The following DST variants were observed in gnomAD, a reference collection of about 807,000 sequenced individuals.
DST encodes the protein bullous pemphigoid antigen.
DST carries 253 observed loss-of-function variants against 875.2 expected under a neutral mutation model. The ratio of observed to expected loss-of-function variants is 0.29; its 90% CI spans 0.26 to 0.32. The LOEUF (loss-of-function observed/expected upper bound fraction) is 0.32. Ranked by LOEUF, DST falls within the 10% of genes least tolerant of loss-of-function variation. DST has a pLI of 1.00. For missense variants in DST, 8,287 were observed against 9,111.6 expected (o/e 0.91, Z 3.68); for synonymous variants, 3,124 against 3,197.1 (o/e 0.98, Z 0.77).
At position 56,641,997 on chromosome 6, in the gene DST, T is replaced by C. The variant is rs761058089; in HGVS notation, c.1977A>G (p.Val659=). 3.7e-6 allele frequency: 6 copies of C among 1,613,518 alleles called. No homozygotes were observed. The Admixed American group carries it at 8.3e-5, about 22-fold the overall frequency. The change falls in exon 17 of 104, where the codon GTA becomes GTG. Residue 659 remains valine (V), a synonymous_variant. Transcript: ENST00000680361. ...ENLLRQHVID[V]QILIDGKYYQ... ...AGTATTTTCCATCAATAAGAATCTGTACATCAATTACATGCTGGCGTAAAA... is the reference window on the plus strand; with the variant it reads ...AGTATTTTCCATCAATAAGAATCTGCACATCAATTACATGCTGGCGTAAAA...
At chr6:56,500,806 T>C (rs2096093218) in intron 80 of DST, among the ~76,000 whole-genome samples, 1 of 152,196 alleles carries the variant, frequency 6.6e-6, no homozygotes, top group Admixed American at 6.6e-5. Flanking sequence ...GTGTTTGCCA[T>C]GCAGCTCTAA....
At position 56,610,507 on chromosome 6, in the gene DST, T is replaced by C. The variant is rs369218541; in HGVS notation, c.5203A>G (p.Ser1735Gly). The C allele has an allele frequency of 3.2e-5, 50 of 1,566,874 alleles. No homozygotes were observed. In the African/African-American group the frequency reaches 6.2e-4, roughly 20 times the overall value. ...LEKQVKTLQE[S>G]YNLLFSESLK... ...GATTCACTGAATAATAAATTATAAC[T>C]TTCCTGAAGAGTTTTCACTTGTTTT... The change falls in exon 39 of 104, where the codon AGT becomes GGT. Residue 1735 changes from serine to glycine, a missense_variant. Around this residue, in one of 10 missense-constraint regions of DST, gnomAD observed 3,138 missense variants for 3,116.6 expected, o/e 1.01. Coordinates refer to ENST00000680361, the MANE Select transcript of DST (RefSeq NM_001374736.1).
At chr6:56,502,282 A>G (rs56410654) in intron 78 of DST, among the ~76,000 whole-genome samples, 141 of 152,280 alleles carry the variant, frequency 9.3e-4, no homozygotes, top group Middle Eastern at 3.4e-3. Flanking sequence ...ACAGGTTAGC[A>G]AACAGTTGCT....
At position 56,632,996 on chromosome 6, in the gene DST, A is replaced by C; in HGVS notation, c.3663T>G (p.Ser1221Arg). 1 of 1,614,038 alleles carries C rather than the reference A, an allele frequency of 6.2e-7. No individual in the cohort carries two copies. The highest frequency in any genetic ancestry group is 8.5e-7 in the Non-Finnish European group (1 of 1,179,978). The change falls in exon 28 of 104, where the codon AGT becomes AGG. Residue 1221 changes from serine (S) to arginine (R), a missense_variant. By Grantham distance (110) the Ser-to-Arg change is moderately radical. Around this residue, in one of 10 missense-constraint regions of DST, gnomAD observed 3,138 missense variants for 3,116.6 expected, o/e 1.01. Coordinates refer to ENST00000680361, the MANE Select transcript of DST (RefSeq NM_001374736.1). ...MLPGEHQQVL[S>R]NLQSRFEDFL... is the part of the protein sequence containing the mutation. ...AATCTTCAAAACGAGATTGTAGATT[A>C]CTTAGAACTTGCTGATGTTCACCAG...
intron 9 of DST, chr6:56,693,413 CTCA>C: frequency 9.2e-7 from 1 of 1,087,794 alleles, no homozygotes; most frequent in South Asian, 2.7e-5. Flanking sequence ...AACATTACTG[CTCA>C]CTGTCAAATT....
intron 4 of DST, among the ~76,000 whole-genome samples, chr6:56,785,327 A>T (rs2099702929): frequency 6.6e-6 from 1 of 152,206 alleles, no homozygotes; most frequent in South Asian, 2.1e-4. Flanking sequence ...GAGCCTACAG[A>T]GGCAGGCAGG....
intron 2 of DST, among the ~76,000 whole-genome samples, chr6:56,903,349 G>A (rs537648143): frequency 1.5e-4 from 23 of 152,304 alleles, no homozygotes; most frequent in African/African-American, 4.8e-4. Context: ...AAAACATGCT[G>A]TCACAGCCAT....
At chr6:56,660,627 GAA>G (rs1309294176) in intron 10 of DST, among the ~76,000 whole-genome samples, 1 of 111,434 alleles carries the variant, frequency 9.0e-6, no homozygotes, top group African/African-American at 3.3e-5. Context: ...AAAAAAAAAA[GAA>G]AAAAAAAAAA....
At chr6:56,917,368 G>T (rs1276005977) in intron 2 of DST, among the ~76,000 whole-genome samples, 2 of 152,188 alleles carry the variant, frequency 1.3e-5, no homozygotes, top group African/African-American at 4.8e-5. Context: ...AACAAAGATG[G>T]TTAATCAAAG....
chr6:56,800,711 CA>C (rs777455635), intron 4 of DST, among the ~76,000 whole-genome samples: 35 of 151,658 alleles, frequency 2.3e-4, no homozygotes, highest in African/African-American at 7.5e-4. Context: ...AAAATAAAAA[CA>C]AAAAAAATAA....
At position 56,528,225 on chromosome 6, in the gene DST, T is replaced by C. The variant is rs112808123; in HGVS notation, c.17681-491A>G. The stretch of plus-strand genomic sequence containing the variant: ...AACTGTGTCCTGGGCTTCAGACTTC[T>C]AACTAAAGGCTCTTGATTCTACATT... On this transcript the variant is annotated intron_variant, in intron 67 of 103. Transcript: ENST00000680361. Among the ~76,000 whole-genome samples, 1,021 of 152,230 alleles carry C rather than the reference T, an allele frequency of 6.7e-3. 10 individuals carry two copies. Among genetic ancestry groups the C allele is most frequent in the African/African-American group, 0.023 (966 of 41,542 alleles).
At chr6:56,679,789 T>C (rs1209688968) in intron 9 of DST, among the ~76,000 whole-genome samples, 3 of 151,884 alleles carry the variant, frequency 2.0e-5, no homozygotes, top group Non-Finnish European at 4.4e-5. Context: ...AATTCTTCAC[T>C]ACTTGTCTAA....
At position 56,609,319 on chromosome 6, in the gene DST, A is replaced by G. The variant is rs866337922; in HGVS notation, c.5309T>C (p.Ile1770Thr). 6.2e-7 allele frequency: 1 copy of G among 1,609,950 alleles called. No individual in the cohort carries two copies. Among genetic ancestry groups the G allele is most frequent in the Admixed American group, 1.7e-5 (1 of 59,616 alleles). The change falls in exon 40 of 104, where the codon ATT becomes ACT. Residue 1770 changes from isoleucine (I) to threonine (T), a missense_variant. By Grantham distance (89) the Ile-to-Thr change is moderately conservative (BLOSUM62 -1). Around this residue, in one of 10 missense-constraint regions of DST, gnomAD observed 3,138 missense variants for 3,116.6 expected, o/e 1.01. Transcript: ENST00000680361. The part of the protein sequence containing the change: ...EKLDKVIAGT[I>T]DQTTGEVLSV... ...AAGGACTTCTCCAGTTGTCTGATCA[A>G]TGGTGCCTGCAATCACTTTATCCAG...
Position 56,517,316 on chromosome 6 carries a change from CCA to C in DST, c.18250-13_18250-12del. ...CTCCATGGTGAATGTCTGTGATTTA[CCA>C]AAATAAAGACAAAAAATAAAACAAG... On this transcript the variant is annotated splice_polypyrimidine_tract_variant and intron_variant, in intron 70 of 103. Transcript: ENST00000680361. 1.2e-6 allele frequency: 2 copies of C among 1,603,244 alleles called. No homozygotes were observed. The highest frequency in any genetic ancestry group is 1.7e-6 in the Non-Finnish European group (2 of 1,172,700).
intron 4 of DST, among the ~76,000 whole-genome samples, chr6:56,847,559 G>A (rs1173166601): frequency 6.6e-6 from 1 of 152,046 alleles, no homozygotes; most frequent in Non-Finnish European, 1.5e-5. Context: ...CACTTTACTT[G>A]CAGTTCCCAT....
chr6:56,497,636 T>G (rs1379419035), intron 81 of DST, 129 bp from the exon 82 acceptor site: 2 of 1,212,296 alleles, frequency 1.6e-6, no homozygotes, highest in African/African-American at 1.5e-5. Context: ...TACCATTAGA[T>G]TTGCCTTTCT....
At chr6:56,670,511 T>C (rs2099096075) in intron 10 of DST, 130 bp downstream of exon 10, 2 of 800,660 alleles carry the variant, frequency 2.5e-6, no homozygotes, top group Admixed American at 7.5e-5. Context: ...TTTTTTATTT[T>C]AATTTTTCTG....
At chr6:56,684,800 C>T (rs1179441945) in intron 9 of DST, among the ~76,000 whole-genome samples, 2 of 152,196 alleles carry the variant, frequency 1.3e-5, no homozygotes, top group Non-Finnish European at 2.9e-5. Context: ...GGCTTTGCCT[C>T]ACTCCTAAAG....
intron 4 of DST, among the ~76,000 whole-genome samples, chr6:56,748,238 C>A (rs536053740): frequency 6.6e-6 from 1 of 152,044 alleles, no homozygotes; most frequent in African/African-American, 2.4e-5. Context: ...TGGTTGTATA[C>A]CCTGTATATG....
Sources: allele counts gnomAD v4.1 joint callset (sites outside exome capture counted in the v4.1 genomes callset), GRCh38; gene constraint gnomAD v4.1.1; regional missense constraint gnomAD v4.1.1; transcripts MANE v1.5; gene names NCBI Gene and HGNC (gene_info 2026-07-23, HGNC 2026-07-21).